The following SDC2 variants were observed in gnomAD, a reference collection of about 807,000 sequenced individuals.
The protein encoded by SDC2 is syndecan-2.
In SDC2, 13 loss-of-function variants were observed where a neutral mutation model predicts 22.2. The ratio of observed to expected loss-of-function variants is 0.59; its 90% CI spans 0.38 to 0.93. The LOEUF is 0.93. SDC2 is among the 40% of genes least tolerant of loss of function. The pLI, the probability that SDC2 is intolerant of heterozygous loss-of-function variation, is 0.00. For synonymous variants in SDC2, 94 were observed against 92.8 expected (o/e 1.01, Z -0.07); for missense variants, 235 against 246.8 (o/e 0.95, Z 0.32).
chr8:96,511,432 G>C (rs1813326698), intron 1 of SDC2, among the ~76,000 whole-genome samples: 1 of 152,178 alleles, frequency 6.6e-6, no homozygotes, highest in Non-Finnish European at 1.5e-5. Context: ...AGTTTAACAA[G>C]ATTCCCAGTG....
chr8:96,601,599 C>T (rs1419124473), intron 2 of SDC2, among the ~76,000 whole-genome samples: 1 of 141,700 alleles, frequency 7.1e-6, no homozygotes, highest in African/African-American at 2.6e-5. Flanking sequence ...CCAGATTGTG[C>T]CATTGCACTC....
At chr8:96,602,002 CT>C in intron 2 of SDC2, among the ~76,000 whole-genome samples, 1 of 152,142 alleles carries the variant, frequency 6.6e-6, no homozygotes, top group South Asian at 2.1e-4. Flanking sequence ...TCGTGATCCG[CT>C]CTCCTCGGCC....
chr8:96,576,380 TTTTG>T lies in SDC2; in HGVS notation c.61-17096_61-17093del, dbSNP rs1427588387. Among the ~76,000 whole-genome samples, 55 of 48,620 alleles carry T rather than the reference TTTTG, an allele frequency of 1.1e-3. 3 individuals carry two copies. The highest frequency in any genetic ancestry group is 2.9e-3 in the African/African-American group (44 of 15,078). The allele number at this position is 48,620 out of a possible 152,430, so 31.9% of individuals were successfully genotyped here. Reference sequence around the variant, plus strand: ...TAATTGGTAGTTTGTTTTTGTTTTGTTTTGTTTTTTTTTACCAGATTTGCTTTAT... The same window carrying T: ...TAATTGGTAGTTTGTTTTTGTTTTGTTTTTTTTTTACCAGATTTGCTTTAT... On this transcript the variant is annotated intron_variant, in intron 1 of 4. Coordinates refer to ENST00000302190, the MANE Select transcript of SDC2 (RefSeq NM_002998.4).
chr8:96,523,598 G>A (rs1456918945), intron 1 of SDC2, among the ~76,000 whole-genome samples: 2 of 152,300 alleles, frequency 1.3e-5, no homozygotes, highest in African/African-American at 2.4e-5. Flanking sequence ...TCAGTAGGAG[G>A]TGGCTGTGGG....
In SDC2 at chr8:96,609,451, G is replaced by A. The variant is rs774751152; in HGVS notation, c.509G>A (p.Arg170His). The A allele has an allele frequency of 8.7e-6, 14 of 1,613,224 alleles. No homozygotes were observed. Among genetic ancestry groups the A allele is most frequent in the South Asian group, 7.7e-5 (7 of 91,000 alleles). ...TTTCTTATCCTGCTGTTGGTGTATC[G>A]CATGAGAAAGAAGGATGAAGGAAGC... The part of the protein sequence containing the change: ...AIFLILLLVY[R>H]MRKKDEGSYD... The change falls in exon 5 of 5, where the codon CGC (arginine) becomes CAC (histidine). Residue 170 changes from arginine to histidine, a missense_variant. Coordinates refer to ENST00000302190, the MANE Select transcript of SDC2 (RefSeq NM_002998.4).
chr8:96,580,486 A>G (rs1814572081), intron 1 of SDC2: 15 of 985,386 alleles, frequency 1.5e-5, no homozygotes, highest in Non-Finnish European at 1.8e-5. Context: ...TTGGCATCTT[A>G]CATGTGAGCA....
chr8:96,533,417 A>G (rs1181507638), intron 1 of SDC2, among the ~76,000 whole-genome samples: 1 of 152,142 alleles, frequency 6.6e-6, no homozygotes, highest in South Asian at 2.1e-4. Flanking sequence ...GCTAGACACA[A>G]AAATTCTCTA....
intron 2 of SDC2, among the ~76,000 whole-genome samples, chr8:96,597,478 T>C (rs1814897817): frequency 6.6e-6 from 1 of 152,194 alleles, no homozygotes; most frequent in Admixed American, 6.5e-5. Flanking sequence ...GGTGTTTCCC[T>C]CTTCAATATA....
intron 2 of SDC2, among the ~76,000 whole-genome samples, chr8:96,595,879 G>A (rs2130639255): frequency 6.6e-6 from 1 of 152,306 alleles, no homozygotes; most frequent in East Asian, 1.9e-4. Context: ...GGTTAAACCT[G>A]GGCCCACACT....
chr8:96,597,434 C>T (rs1284217288), intron 2 of SDC2, among the ~76,000 whole-genome samples: 1 of 152,212 alleles, frequency 6.6e-6, no homozygotes, highest in Non-Finnish European at 1.5e-5. Flanking sequence ...TGACACACCT[C>T]TCCTGTGTGC....
At chr8:96,602,200 A>G (rs562524810) in intron 2 of SDC2, among the ~76,000 whole-genome samples, 195 bp from the exon 3 acceptor site, 2 of 152,232 alleles carry the variant, frequency 1.3e-5, no homozygotes, top group Non-Finnish European at 2.9e-5. Context: ...AACTTGCTAG[A>G]CTACCCACAG....
At chr8:96,565,097 T>TTTTTTG (rs1329448270) in intron 1 of SDC2, among the ~76,000 whole-genome samples, 1 of 128,628 alleles carries the variant, frequency 7.8e-6, no homozygotes, top group African/African-American at 3.2e-5. Flanking sequence ...TTTTTTTTTT[T>TTTTTTG]TTGTTGAGAT....
chr8:96,517,984 C>T (rs572379941), intron 1 of SDC2, among the ~76,000 whole-genome samples: 2 of 152,238 alleles, frequency 1.3e-5, no homozygotes, highest in Admixed American at 6.5e-5. Context: ...AGCCGCAGAA[C>T]GATTGGTTTG....
chr8:96,609,571 T>C lies in SDC2; in HGVS notation c.*23T>C. ...TAAAACTCCAACTTAGTGTCTCTAT[T>C]TATGAGATCACTGAACTTTTCAAAA... On this transcript the variant is annotated 3_prime_UTR_variant, in exon 5 of 5. Coordinates refer to ENST00000302190, the MANE Select transcript of SDC2 (RefSeq NM_002998.4). The C allele has an allele frequency of 6.6e-7, 1 of 1,521,920 alleles. No homozygotes were observed. The highest frequency in any genetic ancestry group is 1.4e-5 in the African/African-American group (1 of 71,580). The allele number at this position is 1,521,920 out of a possible 1,614,324, so 94.3% of individuals were successfully genotyped here. A position where few individuals can be genotyped will look rare whatever the true frequency, so the allele number is the denominator to read the frequency against.
chr8:96,553,450 GTTT>G (rs35596871), intron 1 of SDC2, among the ~76,000 whole-genome samples: 56 of 147,352 alleles, frequency 3.8e-4, no homozygotes, highest in East Asian at 3.4e-3. Flanking sequence ...AAAATTACAG[GTTT>G]TTTTTTTTTT....
intron 2 of SDC2, among the ~76,000 whole-genome samples, chr8:96,598,818 C>T (rs975558593): frequency 2.0e-5 from 3 of 151,902 alleles, no homozygotes; most frequent in African/African-American, 7.3e-5. Flanking sequence ...ACAGTAGGAC[C>T]TGAAGGAGGA....
chr8:96,513,022 A>G lies in SDC2; in HGVS notation c.60+18691A>G, dbSNP rs73698104. 5.1e-3 allele frequency among the ~76,000 whole-genome samples: 776 copies of G among 152,158 alleles called. 5 individuals are homozygous for G. The highest frequency in any genetic ancestry group is 0.017 in the African/African-American group (711 of 41,542). On this transcript the variant is annotated intron_variant, in intron 1 of 4. Coordinates refer to ENST00000302190, the MANE Select transcript of SDC2 (RefSeq NM_002998.4). ...TACTTTATACTTAGTACTTTTTTAT[A>G]CTTTATTCATTACACAAAGGATTTG...
intron 1 of SDC2, among the ~76,000 whole-genome samples, chr8:96,581,167 A>G (rs1224828015): frequency 2.6e-5 from 4 of 152,240 alleles, no homozygotes; most frequent in Non-Finnish European, 5.9e-5. Flanking sequence ...AAATTACTAT[A>G]AATCAGCCTC....
At chr8:96,570,221 G>A (rs377134097) in intron 1 of SDC2, among the ~76,000 whole-genome samples, 4 of 152,162 alleles carry the variant, frequency 2.6e-5, no homozygotes, top group South Asian at 2.1e-4. Flanking sequence ...GGGTTTCAGC[G>A]ACTATCCCAA....
Sources: allele counts gnomAD v4.1 joint callset (sites outside exome capture counted in the v4.1 genomes callset), GRCh38; gene constraint gnomAD v4.1.1; transcripts MANE v1.5; gene names NCBI Gene and HGNC (gene_info 2026-07-23, HGNC 2026-07-21).